HOOK1: variants seen among roughly 807,000 people sequenced by gnomAD.
HOOK1 encodes protein Hook homolog 1.
A neutral mutation model predicts 112.8 loss-of-function variants in HOOK1; 60 were observed. That is an observed-to-expected ratio of 0.53 (90% CI 0.43 to 0.66). The LOEUF (loss-of-function observed/expected upper bound fraction) is 0.66, where lower values mean the gene tolerates loss of function less well. HOOK1 is among the 30% of genes least tolerant of loss of function. HOOK1 has a pLI of 0.00. For synonymous variants in HOOK1, 294 were observed against 283.8 expected, an observed-to-expected ratio of 1.04 and a Z score of -0.36; for missense variants, 770 against 856.0, an observed-to-expected ratio of 0.90 and a Z score of 1.25.
Position 59,858,483 on chromosome 1 carries a change from C to T in HOOK1, c.1298C>T (p.Ser433Leu), listed in dbSNP as rs2098411832. 1 of 1,612,898 alleles carries T rather than the reference C, an allele frequency of 6.2e-7. No individual in the cohort carries two copies. Among genetic ancestry groups the T allele is most frequent in the African/African-American group, 1.3e-5 (1 of 74,888 alleles). ...LKETNEELRC[S>L]QVQQDHLNQT... The stretch of plus-strand genomic sequence containing the variant: ...GAAACAAATGAAGAGCTTCGATGTT[C>T]ACAAGTACAACAGGACCACCTAAAC... Residue 433 changes from serine to leucine, a missense_variant, in exon 13 of 22, where the codon TCA becomes TTA. Coordinates refer to ENST00000371208, the MANE Select transcript of HOOK1 (RefSeq NM_015888.6).
chr1:59,870,764 A>G, intron 20 of HOOK1: 1 of 237,748 alleles, frequency 4.2e-6, no homozygotes. Context: ...GGTGGGCAGT[A>G]GCCTTAAAAT....
chr1:59,849,213 T>C (rs1361246672), intron 12 of HOOK1, 30 bp downstream of exon 12: 3 of 1,431,826 alleles, frequency 2.1e-6, no homozygotes, highest in Non-Finnish European at 1.9e-6. Context: ...ATAAGGAATA[T>C]TTCATTGTTC....
rs751959143 is a variant in HOOK1, at chr1:59,865,919, G to A, written c.1792G>A (p.Asp598Asn). The A allele has an allele frequency of 4.6e-5, 74 of 1,597,378 alleles. No individual in the cohort carries two copies. The highest frequency in any genetic ancestry group is 5.7e-5 in the Non-Finnish European group (67 of 1,172,424). The part of the protein sequence containing the change: ...LEAALQKKDE[D>N]MKAMEERYKM... ...AGCTGCTCTTCAGAAGAAAGATGAA[G>A]ATATGAAAGCAATGGAGGAAAGATA... The change falls in exon 19 of 22, where the codon GAT (aspartate) becomes AAT (asparagine). Residue 598 changes from aspartate to asparagine, a missense_variant. This residue lies in a region of HOOK1 where 655 missense variants were observed against 725.9 expected (regional missense o/e 0.90). Transcript: ENST00000371208.
intron 2 of HOOK1, among the ~76,000 whole-genome samples, chr1:59,827,019 C>T (rs1400173632): frequency 6.6e-6 from 1 of 152,108 alleles, no homozygotes; most frequent in Non-Finnish European, 1.5e-5. Context: ...GCTGCCTCGG[C>T]CCCCCAAAGC....
intron 1 of HOOK1, among the ~76,000 whole-genome samples, chr1:59,818,499 T>C (rs1312008370): frequency 2.0e-5 from 3 of 152,202 alleles, no homozygotes; most frequent in Admixed American, 6.5e-5. Context: ...AAAGGGTAAA[T>C]GTGGGTATCA....
At chr1:59,824,772 T>C (rs1206145527) in intron 2 of HOOK1, among the ~76,000 whole-genome samples, 1 of 152,184 alleles carries the variant, frequency 6.6e-6, no homozygotes, top group Admixed American at 6.5e-5. Context: ...ATTATTATCT[T>C]CAATTTGAAT....
At chr1:59,824,622 A>G (rs2098388510) in intron 2 of HOOK1, among the ~76,000 whole-genome samples, 1 of 152,226 alleles carries the variant, frequency 6.6e-6, no homozygotes, top group Admixed American at 6.5e-5. Flanking sequence ...GGAAGCAGCA[A>G]AATTTAACCA....
At chr1:59,861,052 AG>A (rs2098413360) in intron 15 of HOOK1, among the ~76,000 whole-genome samples, 1 of 152,022 alleles carries the variant, frequency 6.6e-6, no homozygotes, top group Non-Finnish European at 1.5e-5. Flanking sequence ...CTGGGATTAC[AG>A]GCGTGAGCCA....
chr1:59,845,936 ATTTC>A (rs2102039668), intron 9 of HOOK1, among the ~76,000 whole-genome samples: 1 of 151,856 alleles, frequency 6.6e-6, no homozygotes, highest in South Asian at 2.1e-4. Flanking sequence ...TAAAAATGTT[ATTTC>A]TTTCTTAAAT....
rs1644084038 is a variant in HOOK1, at chr1:59,873,087, T to G, written c.*122T>G. On this transcript the variant is annotated 3_prime_UTR_variant, in exon 22 of 22. Transcript: ENST00000371208. ...AGTTTATGATGCGGGATATCAGGTATTTTAAAATCAACATGCATCAAATTA... is the reference window on the plus strand; with the variant it reads ...AGTTTATGATGCGGGATATCAGGTAGTTTAAAATCAACATGCATCAAATTA... 1 of 809,584 alleles carries G rather than the reference T, an allele frequency of 1.2e-6. No individual in the cohort carries two copies. The allele number at this position is 809,584 out of a possible 1,614,324, so 50.2% of individuals were successfully genotyped here.
intron 19 of HOOK1, among the ~76,000 whole-genome samples, chr1:59,866,362 T>C (rs1643965151): frequency 6.6e-6 from 1 of 152,214 alleles, no homozygotes; most frequent in South Asian, 2.1e-4. Context: ...TTTGTAAAAG[T>C]TTAGCTTTTT....
In HOOK1 at chr1:59,849,234, G is replaced by A. The variant is rs777872463; in HGVS notation, c.1242+51G>A. ...AATATTTCATTGTTCTTTTAGTTTT[G>A]TAATGCCCTTGCTGTTTCTATAATC... is the stretch of plus-strand genomic sequence containing the variant. On this transcript the variant is annotated intron_variant, in intron 12 of 21. Transcript: ENST00000371208. 4.9e-6 allele frequency: 6 copies of A among 1,222,992 alleles called. No homozygotes were observed. The Admixed American group carries it at 7.5e-5, about 15-fold the overall frequency. The allele number at this position is 1,222,992 out of a possible 1,614,324, so 75.8% of individuals were successfully genotyped here.
At chr1:59,833,262 GT>G in intron 4 of HOOK1, 142 bp from the exon 5 acceptor site, 1 of 673,534 alleles carries the variant, frequency 1.5e-6, no homozygotes, top group Non-Finnish European at 2.2e-6. Flanking sequence ...TTGCTAACTG[GT>G]TTTAATAATT....
chr1:59,873,107 A>G lies in HOOK1; in HGVS notation c.*142A>G, dbSNP rs1644084507. ...AGGTATTTTAAAATCAACATGCATC[A>G]AATTAATTTTGCCAGTTGACTTTAA... On this transcript the variant is annotated 3_prime_UTR_variant, in exon 22 of 22. Transcript: ENST00000371208. 3.0e-6 allele frequency: 2 copies of G among 664,354 alleles called. No homozygotes were observed. The highest frequency in any genetic ancestry group is 3.3e-5 in the East Asian group (1 of 30,202). 41.2% of individuals were successfully genotyped at this position (664,354 alleles called of 1,614,324 possible).
At chr1:59,858,609 C>T in intron 13 of HOOK1, 94 bp downstream of exon 13, 1 of 825,322 alleles carries the variant, frequency 1.2e-6, no homozygotes, top group Non-Finnish European at 2.1e-6. Flanking sequence ...CATGGTGGCG[C>T]ATGCCTATAG....
chr1:59,842,193 C>T (rs1242493128), intron 8 of HOOK1, among the ~76,000 whole-genome samples: 5 of 152,116 alleles, frequency 3.3e-5, no homozygotes. Context: ...AGCCCCTACA[C>T]TCAAGCTAGA....
rs1644082642 is a variant in HOOK1 at position 59,872,991 on chromosome 1, A to G, written c.*26A>G. The G allele has an allele frequency of 7.0e-7, 1 of 1,426,004 alleles. No individual in the cohort carries two copies. Among genetic ancestry groups the G allele is most frequent in the Non-Finnish European group, 9.3e-7 (1 of 1,074,106 alleles). 88.3% of individuals were successfully genotyped at this position (1,426,004 alleles called of 1,614,324 possible). A position where few individuals can be genotyped will look rare whatever the true frequency, so the allele number is the denominator to read the frequency against. On this transcript the variant is annotated 3_prime_UTR_variant, in exon 22 of 22. Coordinates refer to ENST00000371208, the MANE Select transcript of HOOK1 (RefSeq NM_015888.6). ...ACTGCAAAAAAAACAAAACAAAACA[A>G]AAAAACCACATAAAATAGAAGTGTC... is the stretch of plus-strand genomic sequence containing the variant.
intron 12 of HOOK1, among the ~76,000 whole-genome samples, chr1:59,854,001 AATAT>A (rs71046347): frequency 0.16 from 4,180 of 25,654 alleles, 448 homozygotes; most frequent in Admixed American, 0.19. Flanking sequence ...ATTAATCTTA[AATAT>A]ATATATATAT....
At position 59,814,996 on chromosome 1, in the gene HOOK1, C is replaced by T. The variant is rs1004196202; in HGVS notation, c.-122C>T. The T allele has an allele frequency of 1.4e-5, 13 of 958,626 alleles. No individual in the cohort carries two copies. Among genetic ancestry groups the T allele is most frequent in the Non-Finnish European group, 1.9e-5 (12 of 639,434 alleles). The allele number at this position is 958,626 out of a possible 1,614,324, so 59.4% of individuals were successfully genotyped here. ...CGCGAGGGTTCGCGCGTGAGCTGCG[C>T]GGGTCGGGCCTGGTACCGAGCTTTC... is the stretch of plus-strand genomic sequence containing the variant. On this transcript the variant is annotated 5_prime_UTR_variant, in exon 1 of 22. Coordinates refer to ENST00000371208, the MANE Select transcript of HOOK1 (RefSeq NM_015888.6).
Sources: allele counts gnomAD v4.1 joint callset (sites outside exome capture counted in the v4.1 genomes callset), GRCh38; gene constraint gnomAD v4.1.1; regional missense constraint gnomAD v4.1.1; transcripts MANE v1.5; gene names NCBI Gene and HGNC (gene_info 2026-07-23, HGNC 2026-07-21).